The following METTL2B variants were observed in gnomAD, a reference collection of about 807,000 sequenced individuals.
The protein encoded by METTL2B is tRNA N(3)-cytidine methyltransferase METTL2B.
Under a neutral mutation model 51.0 loss-of-function variants are expected in METTL2B, and 28 were observed. That is an observed-to-expected ratio of 0.55 (90% CI 0.41 to 0.75). The LOEUF (loss-of-function observed/expected upper bound fraction) is 0.75, where lower values mean the gene tolerates loss of function less well. METTL2B is among the 30% of genes least tolerant of loss of function. METTL2B has a pLI of 0.00. For synonymous variants in METTL2B, 128 were observed against 166.3 expected (o/e 0.77, Z 1.77); for missense variants, 313 against 460.7 (o/e 0.68, Z 2.93).
intron 6 of METTL2B, among the ~76,000 whole-genome samples, chr7:128,496,298 A>G (rs1792922166): frequency 6.6e-6 from 1 of 152,116 alleles, no homozygotes; most frequent in South Asian, 2.1e-4. Context: ...TAATCCCACC[A>G]CTTTGGGAGG....
intron 7 of METTL2B, among the ~76,000 whole-genome samples, chr7:128,498,508 G>T (rs1034142542): frequency 1.3e-5 from 2 of 151,076 alleles, no homozygotes; most frequent in Non-Finnish European, 2.9e-5. Context: ...AAAAAAAAAA[G>T]GTATGTGGCC....
chr7:128,477,173 G>A lies in METTL2B; in HGVS notation c.202G>A (p.Val68Ile), dbSNP rs2288557. 0.081 allele frequency: 130,404 copies of A among 1,613,660 alleles called. 7,277 individuals are homozygous for A. The highest frequency in any genetic ancestry group is 0.3 in the East Asian group (13,402 of 44,844). ...CCAGCGGGTGTGCCAGGAGAAACAA[G>A]GTGCGCTTAAATGGGCTCTCGTTGG... is the stretch of plus-strand genomic sequence containing the variant. ...SIQRVCQEKQ[V>I]DYEINAHKYW... The change falls in exon 2 of 9, where the codon GTT becomes ATT. Residue 68 changes from valine to isoleucine, a missense_variant and splice_region_variant. Val to Ile is a conservative substitution (Grantham distance 29). Transcript: ENST00000262432.
intron 6 of METTL2B, among the ~76,000 whole-genome samples, chr7:128,495,485 C>G (rs1322081853): frequency 6.6e-6 from 1 of 152,008 alleles, no homozygotes; most frequent in Non-Finnish European, 1.5e-5. Context: ...GAGTCTCACT[C>G]TGTTGCCCAG....
In METTL2B at chr7:128,477,188, G is replaced by A; in HGVS notation, c.202+15G>A. On this transcript the variant is annotated intron_variant, in intron 2 of 8. Transcript: ENST00000262432. ...GGAGAAACAAGGTGCGCTTAAATGG[G>A]CTCTCGTTGGTATCAACAGCCAGCG... 6.2e-7 allele frequency: 1 copy of A among 1,613,800 alleles called. No homozygotes were observed. The highest frequency in any genetic ancestry group is 8.5e-7 in the Non-Finnish European group (1 of 1,179,820).
chr7:128,501,960 A>G lies in METTL2B; in HGVS notation c.*44A>G. 4 of 1,605,632 alleles carry G rather than the reference A, an allele frequency of 2.5e-6. No individual in the cohort carries two copies. Among genetic ancestry groups the G allele is most frequent in the Non-Finnish European group, 3.4e-6 (4 of 1,174,834 alleles). ...ACGATGCAAGCCCGTTGTGTTTCCG[A>G]GCTTTTTTAAAAAAAAATTTGTAGC... On this transcript the variant is annotated 3_prime_UTR_variant, in exon 9 of 9. Transcript: ENST00000262432.
intron 5 of METTL2B, among the ~76,000 whole-genome samples, chr7:128,491,124 C>A (rs187459134): frequency 1.5e-5 from 2 of 136,952 alleles, no homozygotes; most frequent in African/African-American, 5.5e-5. Context: ...CACTGCACTC[C>A]AGCCTGGGTG....
At position 128,504,350 on chromosome 7, in the gene METTL2B, CTT is replaced by C. The variant is rs66738177; in HGVS notation, c.*2452_*2453del. 3.0e-4 allele frequency: 32 copies of C among 108,424 alleles called. No individual in the cohort carries two copies. Among genetic ancestry groups the C allele is most frequent in the East Asian group, 5.7e-4 (2 of 3,530 alleles). The allele number at this position is 108,424 out of a possible 1,614,324, so 6.7% of individuals were successfully genotyped here. ...GCTGGGTAATGTAGCAAGACCCTGA[CTT>C]TTTTTTTTTTTTTTTTTGAGATGGA... On this transcript the variant is annotated 3_prime_UTR_variant, in exon 9 of 9. Coordinates refer to ENST00000262432, the MANE Select transcript of METTL2B (RefSeq NM_018396.3).
intron 4 of METTL2B, chr7:128,483,208 C>T (rs1000352213): frequency 1.3e-5 from 2 of 152,218 alleles, no homozygotes; most frequent in African/African-American, 4.8e-5. Context: ...ATCTTTGCCA[C>T]AGCCTCTTTA....
At chr7:128,481,315 C>T (rs564643494) in intron 4 of METTL2B, among the ~76,000 whole-genome samples, 11 of 152,284 alleles carry the variant, frequency 7.2e-5, no homozygotes, top group African/African-American at 2.6e-4. Flanking sequence ...GTATCAGATC[C>T]CACAAGTTAA....
At chr7:128,499,592 C>T (rs1251766814) in intron 7 of METTL2B, among the ~76,000 whole-genome samples, 1 of 148,716 alleles carries the variant, frequency 6.7e-6, no homozygotes, top group Non-Finnish European at 1.5e-5. Context: ...GATCTCGGCT[C>T]ACTGCAACGT....
intron 5 of METTL2B, among the ~76,000 whole-genome samples, chr7:128,489,242 G>A (rs1792780006): frequency 6.6e-6 from 1 of 152,132 alleles, no homozygotes; most frequent in South Asian, 2.1e-4. Context: ...ACTGGCCTAG[G>A]CAACATGGTG....
intron 1 of METTL2B, 75 bp downstream of exon 1, chr7:128,476,950 C>A: frequency 8.4e-7 from 1 of 1,189,194 alleles, no homozygotes; most frequent in East Asian, 2.7e-5. Context: ...CGAAAAGCCC[C>A]TGACCGCCGG....
intron 2 of METTL2B, 57 bp from the exon 3 acceptor site, chr7:128,479,101 G>C (rs1408360276): frequency 6.7e-7 from 1 of 1,498,808 alleles, no homozygotes; most frequent in African/African-American, 1.4e-5. Flanking sequence ...ATTGACGTTA[G>C]ATATAAATAA....
chr7:128,495,019 A>G (rs947962992), intron 6 of METTL2B, among the ~76,000 whole-genome samples: 1 of 150,948 alleles, frequency 6.6e-6, no homozygotes, highest in African/African-American at 2.4e-5. Flanking sequence ...GGTTCAACCA[A>G]TTCTCCTGCC....
intron 4 of METTL2B, chr7:128,483,362 G>C (rs1799895838): frequency 6.6e-6 from 1 of 152,214 alleles, no homozygotes; most frequent in Non-Finnish European, 1.5e-5. Flanking sequence ...TCCTCTACAA[G>C]AGTGTGCCCT....
rs1371842899 is a variant in METTL2B at position 128,502,466 on chromosome 7, A to G, written c.*550A>G. ...ATTGCAGTTAATACATACAGGGGTT[A>G]GTGAAGGGCTTATTAAGTTGTAGGG... On this transcript the variant is annotated 3_prime_UTR_variant, in exon 9 of 9. Coordinates refer to ENST00000262432, the MANE Select transcript of METTL2B (RefSeq NM_018396.3). 2 of 385,574 alleles carry G rather than the reference A, an allele frequency of 5.2e-6. No homozygotes were observed. Among genetic ancestry groups the G allele is most frequent in the African/African-American group, 4.3e-5 (2 of 46,428 alleles). The allele number at this position is 385,574 out of a possible 1,614,324, so 23.9% of individuals were successfully genotyped here.
chr7:128,489,071 C>T (rs758916193), intron 5 of METTL2B, among the ~76,000 whole-genome samples: 12 of 152,086 alleles, frequency 7.9e-5, no homozygotes, highest in South Asian at 2.1e-4. Context: ...GCTGAGATCG[C>T]GCCACTGCAC....
At chr7:128,497,050 T>C (rs1041297345) in intron 6 of METTL2B, among the ~76,000 whole-genome samples, 7 of 152,166 alleles carry the variant, frequency 4.6e-5, no homozygotes, top group African/African-American at 1.7e-4. Context: ...TTTTTCTGTT[T>C]TTTGTTTTTT....
At chr7:128,496,641 T>A (rs1015313916) in intron 6 of METTL2B, among the ~76,000 whole-genome samples, 5 of 152,080 alleles carry the variant, frequency 3.3e-5, no homozygotes, top group South Asian at 2.1e-4. Context: ...AAAATTCAAG[T>A]CAGCCACAGT....
Sources: gnomAD v4.1 joint callset for allele counts (sites outside exome capture counted in the v4.1 genomes callset) on GRCh38, gnomAD v4.1.1 for gene constraint, MANE v1.5 for transcripts, NCBI Gene and HGNC (gene_info 2026-07-23, HGNC 2026-07-21) for gene names.